The following SIRPA variants were observed in gnomAD, a reference collection of about 807,000 sequenced individuals.
SIRPA encodes signal regulatory protein alpha.
Under a neutral mutation model 50.3 loss-of-function variants are expected in SIRPA, and 9 were observed. The observed-to-expected ratio is 0.18, with a 90% confidence interval of 0.11 to 0.31. The LOEUF is 0.31. Among genes scored for constraint, SIRPA ranks in the 10% least tolerant of loss-of-function variants. The pLI, the probability that SIRPA is intolerant of heterozygous loss-of-function variation, is 1.00. For synonymous variants in SIRPA, 265 were observed against 284.1 expected, an observed-to-expected ratio of 0.93 and a Z score of 0.68; for missense variants, 474 against 661.6, an observed-to-expected ratio of 0.72 and a Z score of 3.11.
intron 1 of SIRPA, among the ~76,000 whole-genome samples, chr20:1,897,121 G>A (rs1383243156): frequency 6.6e-6 from 1 of 152,176 alleles, no homozygotes; most frequent in East Asian, 1.9e-4. Flanking sequence ...GTGCTCCGAT[G>A]GGCAGCCTGC....
chr20:1,912,288 G>T (rs1600412948), intron 1 of SIRPA, among the ~76,000 whole-genome samples: 1 of 152,320 alleles, frequency 6.6e-6, no homozygotes, highest in East Asian at 1.9e-4. Flanking sequence ...ACCAACTGCT[G>T]ACTCACAGCC....
Position 1,928,615 on chromosome 20 carries a change from C to A in SIRPA, c.1226+716C>A, listed in dbSNP as rs564911587. On this transcript the variant is annotated intron_variant, in intron 6 of 7. Transcript: ENST00000358771. This position sits in a 1 kb window ranked among gnomAD's most constrained non-coding sequence, Gnocchi z 4.9. The stretch of plus-strand genomic sequence containing the variant: ...TCAGGTGGTGACAACTCCTACCCTG[C>A]AAGGAGATGGAGGTGAATGGTGGGG... Among the ~76,000 whole-genome samples, 1 of 152,056 alleles carries A rather than the reference C, an allele frequency of 6.6e-6. No homozygotes were observed.
At chr20:1,907,453 G>A (rs1984612663) in intron 1 of SIRPA, among the ~76,000 whole-genome samples, 1 of 152,214 alleles carries the variant, frequency 6.6e-6, no homozygotes, top group Non-Finnish European at 1.5e-5. Flanking sequence ...TACAGCCAGT[G>A]AGCATGTTCC....
chr20:1,901,932 A>G (rs1006893176), intron 1 of SIRPA, among the ~76,000 whole-genome samples: 1 of 152,188 alleles, frequency 6.6e-6, no homozygotes, highest in Non-Finnish European at 1.5e-5. Context: ...CGCCGTTTCT[A>G]CAGCTCCATT....
chr20:1,895,389 G>A (rs1454483927), upstream of SIRPA: 2 of 1,044,108 alleles, frequency 1.9e-6, no homozygotes, highest in Non-Finnish European at 1.3e-6. Context: ...GCTCCAGCCT[G>A]CTCCCGCCCG....
chr20:1,918,518 G>A (rs182493884), intron 2 of SIRPA, among the ~76,000 whole-genome samples: 2 of 151,900 alleles, frequency 1.3e-5, no homozygotes, highest in East Asian at 3.9e-4. Flanking sequence ...TGCCATCAAG[G>A]TGTTATTTTA....
chr20:1,921,103 G>C (rs750866305), intron 2 of SIRPA, among the ~76,000 whole-genome samples: 1 of 152,184 alleles, frequency 6.6e-6, no homozygotes. Context: ...TTTTGATCCT[G>C]TGCCCAAATT....
chr20:1,937,980 TCCACCACCA>T lies in SIRPA; in HGVS notation c.*435_*443del, dbSNP rs71193939. 16 of 152,960 alleles carry T rather than the reference TCCACCACCA, an allele frequency of 1.0e-4. No individual in the cohort carries two copies. Among genetic ancestry groups the T allele is most frequent in the East Asian group, 5.8e-4 (3 of 5,176 alleles). The allele number at this position is 152,960 out of a possible 1,614,324, so 9.5% of individuals were successfully genotyped here. A position where few individuals can be genotyped will look rare whatever the true frequency, so the allele number is the denominator to read the frequency against. Reference sequence around the variant, plus strand: ...CCCACCTCCCCTGACCTCCACCACCTCCACCACCACCACCACCACCACCACCACCACTAC... The same window carrying T: ...CCCACCTCCCCTGACCTCCACCACCTCCACCACCACCACCACCACCACTAC... On this transcript the variant is annotated 3_prime_UTR_variant, in exon 8 of 8. Transcript: ENST00000358771. This position sits in a 1 kb window ranked among gnomAD's most constrained non-coding sequence, Gnocchi z 8.3.
chr20:1,906,616 C>G (rs1416807005), intron 1 of SIRPA, among the ~76,000 whole-genome samples: 2 of 152,046 alleles, frequency 1.3e-5, no homozygotes, highest in East Asian at 3.9e-4. Flanking sequence ...GGCTGTAGGC[C>G]CCTGGGGCCA....
At chr20:1,912,754 G>A (rs1984972333) in intron 1 of SIRPA, among the ~76,000 whole-genome samples, 1 of 152,256 alleles carries the variant, frequency 6.6e-6, no homozygotes, top group African/African-American at 2.4e-5. Flanking sequence ...CAGGGAAGGT[G>A]GGTACAGAGG....
chr20:1,929,937 T>C (rs1986204345), intron 6 of SIRPA, among the ~76,000 whole-genome samples: 1 of 152,132 alleles, frequency 6.6e-6, no homozygotes, highest in Non-Finnish European at 1.5e-5. Context: ...GTTTCACTTC[T>C]AGCCACCCCC....
Position 1,902,608 on chromosome 20 carries a change from C to T in SIRPA, c.79+7082C>T, listed in dbSNP as rs1003908129. 2.6e-5 allele frequency among the ~76,000 whole-genome samples: 4 copies of T among 152,126 alleles called. No homozygotes were observed. The South Asian group carries it at 6.2e-4, about 24-fold the overall frequency. ...CTAGTGAGGAAGAGAAAAACACACC[C>T]AAGTAAACAAATGATGCCAGGTAGC... is the stretch of plus-strand genomic sequence containing the variant. On this transcript the variant is annotated intron_variant, in intron 1 of 7. Coordinates refer to ENST00000358771, the MANE Select transcript of SIRPA (RefSeq NM_001040023.2).
rs140002338 is a variant in SIRPA at position 1,904,122 on chromosome 20, C to A, written c.79+8596C>A. ...TATTCCCTAACTACCACAGTCCCCC[C>A]CCTGCAGCCAGGGCCGGGATCATAC... On this transcript the variant is annotated intron_variant, in intron 1 of 7. Transcript: ENST00000358771. 1.1e-3 allele frequency among the ~76,000 whole-genome samples: 170 copies of A among 152,274 alleles called. 2 individuals are homozygous for A. Among genetic ancestry groups the A allele is most frequent in the Middle Eastern group, 0.01 (3 of 294 alleles).
chr20:1,918,360 C>CTTT (rs60736526), intron 2 of SIRPA, among the ~76,000 whole-genome samples: 24 of 95,698 alleles, frequency 2.5e-4, no homozygotes, highest in East Asian at 5.8e-4. Flanking sequence ...ACCACACCAG[C>CTTT]TTTTTTTTTT....
intron 1 of SIRPA, among the ~76,000 whole-genome samples, chr20:1,913,072 G>A (rs1202647811): frequency 6.6e-6 from 1 of 152,208 alleles, no homozygotes; most frequent in Non-Finnish European, 1.5e-5. Flanking sequence ...TGAAGATCTT[G>A]CCATGTTCAA....
intron 1 of SIRPA, among the ~76,000 whole-genome samples, chr20:1,914,053 G>A (rs1203212843): frequency 3.3e-5 from 5 of 152,200 alleles, no homozygotes; most frequent in Non-Finnish European, 7.3e-5. Flanking sequence ...GTGAGGCCTG[G>A]ATCACAGGGC....
rs571281078 is a variant in SIRPA, at chr20:1,895,586, G to T, written c.79+60G>T. On this transcript the variant is annotated intron_variant, in intron 1 of 7. Transcript: ENST00000358771. ...CCAAACTGCGGGCTCAGGCCTCTCA[G>T]ACTGGCACTGGGACCCCTTCGGCTA... is the stretch of plus-strand genomic sequence containing the variant. The T allele has an allele frequency of 2.0e-5, 25 of 1,260,018 alleles. 1 individual carries two copies. The highest frequency in any genetic ancestry group is 2.5e-5 in the Non-Finnish European group (24 of 968,720). 78.1% of individuals were successfully genotyped at this position (1,260,018 alleles called of 1,614,324 possible). A position where few individuals can be genotyped will look rare whatever the true frequency, so the allele number is the denominator to read the frequency against.
chr20:1,915,658 G>A (rs1181265596), intron 2 of SIRPA, among the ~76,000 whole-genome samples: 1 of 152,216 alleles, frequency 6.6e-6, no homozygotes, highest in African/African-American at 2.4e-5. Flanking sequence ...TAAAGGGTGG[G>A]AACATCTGCA....
In SIRPA at chr20:1,927,997, C is replaced by A; in HGVS notation, c.1226+98C>A. 1 of 1,002,438 alleles carries A rather than the reference C, an allele frequency of 1.0e-6. No individual in the cohort carries two copies. Among genetic ancestry groups the A allele is most frequent in the Non-Finnish European group, 1.6e-6 (1 of 623,326 alleles). The allele number at this position is 1,002,438 out of a possible 1,614,324, so 62.1% of individuals were successfully genotyped here. ...CATAATCCATGTCCACTGACCTCACCAATGTGTTGGTCAACATGTCTCTTT... is the reference window on the plus strand; with the variant it reads ...CATAATCCATGTCCACTGACCTCACAAATGTGTTGGTCAACATGTCTCTTT... On this transcript the variant is annotated intron_variant, in intron 6 of 7. Coordinates refer to ENST00000358771, the MANE Select transcript of SIRPA (RefSeq NM_001040023.2). This position sits in a 1 kb window ranked among gnomAD's most constrained non-coding sequence, Gnocchi z 6.5.
Sources: allele counts gnomAD v4.1 joint callset (sites outside exome capture counted in the v4.1 genomes callset), GRCh38; gene constraint gnomAD v4.1.1; non-coding constraint Gnocchi (gnomAD v3.1); transcripts MANE v1.5; gene names NCBI Gene and HGNC (gene_info 2026-07-23, HGNC 2026-07-21).